The following MAMDC2 variants were observed in gnomAD, a reference collection of about 807,000 sequenced individuals.
MAMDC2 encodes MAM domain containing 2.
MAMDC2 carries 57 observed loss-of-function variants against 89.8 expected under a neutral mutation model. That is an observed-to-expected ratio of 0.63 (90% CI 0.51 to 0.79). MAMDC2 has a LOEUF of 0.79. MAMDC2 is among the 30% of genes least tolerant of loss of function. MAMDC2 has a pLI of 0.00. For synonymous variants in MAMDC2, 313 were observed against 293.4 expected (o/e 1.07, Z -0.68); for missense variants, 800 against 820.6 (o/e 0.97, Z 0.31).
Position 70,134,221 on chromosome 9 carries a change from G to C in MAMDC2, c.994+2609G>C, listed in dbSNP as rs73647414. The stretch of plus-strand genomic sequence containing the variant: ...GCGTTTAGAGTTAATCCAGTCTCCC[G>C]GACCTGAGACCCATCTCATAGTCAC... On this transcript the variant is annotated intron_variant, in intron 7 of 13. Transcript: ENST00000377182. Among the ~76,000 whole-genome samples the C allele has an allele frequency of 2.9e-3, 444 of 151,980 alleles. 1 individual carries two copies. Among genetic ancestry groups the C allele is most frequent in the African/African-American group, 0.01 (425 of 41,452 alleles).
At chr9:70,120,636 G>A (rs1226485957) in intron 5 of MAMDC2, among the ~76,000 whole-genome samples, 2 of 152,184 alleles carry the variant, frequency 1.3e-5, no homozygotes, top group African/African-American at 4.8e-5. Flanking sequence ...GGTGCCAGGG[G>A]CTGCCACTTA....
Position 70,054,628 on chromosome 9 carries a change from T to C in MAMDC2, c.148+9931T>C, listed in dbSNP as rs560262694. 5.6e-4 allele frequency among the ~76,000 whole-genome samples: 85 copies of C among 152,066 alleles called. No individual in the cohort carries two copies. In the South Asian group the frequency reaches 0.017, roughly 31 times the overall value. On this transcript the variant is annotated intron_variant, in intron 2 of 13. Transcript: ENST00000377182. The stretch of plus-strand genomic sequence containing the variant: ...TTTAGGAAGGGGGGACTTGAGCTTG[T>C]TTCTATAGTAAGGGGAAGGGACCAG...
At position 70,217,622 on chromosome 9, in the gene MAMDC2, T is replaced by C. The variant is rs563607390; in HGVS notation, c.1652-715T>C. ...AAGGCAGCACCTAAGCAAAAGATTG[T>C]GAAGCCTGTGAAAGTTTCAGCTCCC... On this transcript the variant is annotated intron_variant, in intron 11 of 13. Coordinates refer to ENST00000377182, the MANE Select transcript of MAMDC2 (RefSeq NM_153267.5). 136 of 1,610,976 alleles carry C rather than the reference T, an allele frequency of 8.4e-5. No individual in the cohort carries two copies. In the Middle Eastern group the frequency reaches 1.4e-3, roughly 16 times the overall value.
intron 5 of MAMDC2, among the ~76,000 whole-genome samples, chr9:70,120,808 A>G (rs2030250358): frequency 6.6e-6 from 1 of 152,214 alleles, no homozygotes; most frequent in South Asian, 2.1e-4. Context: ...GTCTGACTTT[A>G]TCATAGTAAG....
At chr9:70,149,348 C>T (rs754526730) in intron 9 of MAMDC2, among the ~76,000 whole-genome samples, 3 of 151,908 alleles carry the variant, frequency 2.0e-5, no homozygotes, top group Non-Finnish European at 4.4e-5. Flanking sequence ...CTTGGGATCA[C>T]CACTGAAGGA....
At chr9:70,137,697 A>G (rs2031059834) in intron 7 of MAMDC2, among the ~76,000 whole-genome samples, 1 of 152,102 alleles carries the variant, frequency 6.6e-6, no homozygotes, top group East Asian at 1.9e-4. Flanking sequence ...ATGTTTCCCT[A>G]GAGATAATTT....
intron 2 of MAMDC2, among the ~76,000 whole-genome samples, chr9:70,051,153 C>T (rs1826885150): frequency 6.6e-6 from 1 of 152,116 alleles, no homozygotes; most frequent in African/African-American, 2.4e-5. Flanking sequence ...TTGCCTGACC[C>T]CTCCACTTGA....
chr9:70,186,807 G>T (rs1257996974), intron 11 of MAMDC2, among the ~76,000 whole-genome samples: 1 of 152,218 alleles, frequency 6.6e-6, no homozygotes, highest in Admixed American at 6.5e-5. Flanking sequence ...CGCAGAGCAG[G>T]CATGTCAACA....
At chr9:70,196,740 A>C (rs1037996756) in intron 11 of MAMDC2, among the ~76,000 whole-genome samples, 4 of 152,124 alleles carry the variant, frequency 2.6e-5, no homozygotes, top group African/African-American at 7.2e-5. Context: ...CAAAGAAGGC[A>C]CCAAGGCATA....
At chr9:70,179,941 A>G (rs1250554134) in intron 11 of MAMDC2, among the ~76,000 whole-genome samples, 3 of 149,188 alleles carry the variant, frequency 2.0e-5, no homozygotes, top group Non-Finnish European at 4.4e-5. Context: ...ACAGGTATAC[A>G]TGTGTGATGG....
intron 6 of MAMDC2, among the ~76,000 whole-genome samples, chr9:70,128,784 G>A (rs2030674013): frequency 6.6e-6 from 1 of 152,108 alleles, no homozygotes; most frequent in African/African-American, 2.4e-5. Context: ...AGCCTCCCAA[G>A]TAGTTGGGAC....
At chr9:70,137,937 C>T (rs1436403171) in intron 7 of MAMDC2, among the ~76,000 whole-genome samples, 1 of 152,174 alleles carries the variant, frequency 6.6e-6, no homozygotes, top group Non-Finnish European at 1.5e-5. Flanking sequence ...GTATGTGGTA[C>T]AAATACAGTT....
intron 2 of MAMDC2, among the ~76,000 whole-genome samples, chr9:70,087,972 G>A (rs1260511936): frequency 6.6e-6 from 1 of 151,984 alleles, no homozygotes; most frequent in African/African-American, 2.4e-5. Context: ...TTTTTAAAAG[G>A]CATAGAATTT....
At chr9:70,118,310 A>ACACACG (rs1227201926) in intron 5 of MAMDC2, among the ~76,000 whole-genome samples, 1 of 21,332 alleles carries the variant, frequency 4.7e-5, no homozygotes, top group East Asian at 1.3e-3. Context: ...ACACACACAC[A>ACACACG]CACACACACA....
At chr9:70,129,114 T>C (rs534663211) in intron 6 of MAMDC2, among the ~76,000 whole-genome samples, 4 of 152,206 alleles carry the variant, frequency 2.6e-5, no homozygotes, top group Non-Finnish European at 4.4e-5. Flanking sequence ...GGTTAACTGA[T>C]TGATATGGTT....
chr9:70,059,901 G>A (rs541003066), intron 2 of MAMDC2, among the ~76,000 whole-genome samples: 1 of 152,308 alleles, frequency 6.6e-6, no homozygotes, highest in East Asian at 1.9e-4. Flanking sequence ...AGGTAAGGGT[G>A]TGCACTAGTG....
chr9:70,204,246 C>G (rs1365211155), intron 11 of MAMDC2, among the ~76,000 whole-genome samples: 1 of 149,286 alleles, frequency 6.7e-6, no homozygotes, highest in African/African-American at 2.4e-5. Context: ...TGTGGATGTC[C>G]TTTCTGTTTG....
Position 70,204,314 on chromosome 9 carries a change from T to C in MAMDC2, c.1652-14023T>C, listed in dbSNP as rs1331491253. ...CTGCAGGTCTGTTGGAATACCCTAC[T>C]GTGTGAGGTGTCAGTGTGCCCCTGC... On this transcript the variant is annotated intron_variant, in intron 11 of 13. Coordinates refer to ENST00000377182, the MANE Select transcript of MAMDC2 (RefSeq NM_153267.5). Among the ~76,000 whole-genome samples, 9 of 151,618 alleles carry C rather than the reference T, an allele frequency of 5.9e-5. No individual in the cohort carries two copies. The East Asian group carries it at 7.8e-4, about 13-fold the overall frequency.
At chr9:70,178,792 T>C (rs1232220011) in intron 11 of MAMDC2, among the ~76,000 whole-genome samples, 1 of 152,156 alleles carries the variant, frequency 6.6e-6, no homozygotes, top group Non-Finnish European at 1.5e-5. Context: ...CTAGAGGTAA[T>C]GAAACCACAC....
Sources: allele counts gnomAD v4.1 joint callset (sites outside exome capture counted in the v4.1 genomes callset), GRCh38; gene constraint gnomAD v4.1.1; transcripts MANE v1.5; gene names NCBI Gene and HGNC (gene_info 2026-07-23, HGNC 2026-07-21).